The following ADAMTS19 variants were observed in gnomAD, a reference collection of about 807,000 sequenced individuals.
ADAMTS19 encodes the protein ADAM metallopeptidase with thrombospondin type 1 motif 19.
In ADAMTS19, 93 loss-of-function variants were observed where a neutral mutation model predicts 153.3. The ratio of observed to expected loss-of-function variants is 0.61; its 90% CI spans 0.51 to 0.72. The LOEUF is 0.72. ADAMTS19 is among the 30% of genes least tolerant of loss of function. The probability of loss-of-function intolerance (pLI) is 0.00; values close to 1 mark genes in which losing one functional copy is unlikely to be tolerated. For synonymous variants in ADAMTS19, 600 were observed against 556.6 expected, an observed-to-expected ratio of 1.08 and a Z score of -1.10; for missense variants, 1,482 against 1,552.1, an observed-to-expected ratio of 0.95 and a Z score of 0.76.
chr5:129,525,356 A>G (rs1256757400), intron 3 of ADAMTS19, among the ~76,000 whole-genome samples: 2 of 151,996 alleles, frequency 1.3e-5, no homozygotes, highest in Non-Finnish European at 2.9e-5. Flanking sequence ...AGGGATTTTA[A>G]TTTATTTAAT....
intron 15 of ADAMTS19, among the ~76,000 whole-genome samples, chr5:129,664,360 T>G (rs1753942651): frequency 6.6e-6 from 1 of 152,188 alleles, no homozygotes; most frequent in Non-Finnish European, 1.5e-5. Flanking sequence ...TGCATTTGTT[T>G]CCATTTTAAT....
chr5:129,571,477 G>T (rs1013261843), intron 7 of ADAMTS19, among the ~76,000 whole-genome samples: 1 of 151,338 alleles, frequency 6.6e-6, no homozygotes, highest in Non-Finnish European at 1.5e-5. Context: ...AACCAAACAG[G>T]TACAAAATCT....
intron 3 of ADAMTS19, among the ~76,000 whole-genome samples, chr5:129,518,985 T>A (rs1301430215): frequency 6.6e-6 from 1 of 152,174 alleles, no homozygotes; most frequent in Non-Finnish European, 1.5e-5. Context: ...AAGACTGTGA[T>A]TCACTCTTCA....
intron 13 of ADAMTS19, among the ~76,000 whole-genome samples, chr5:129,652,730 TGG>T (rs1753372008): frequency 6.6e-6 from 1 of 152,222 alleles, no homozygotes; most frequent in Non-Finnish European, 1.5e-5. Context: ...GGAATATGAA[TGG>T]AATTTTCTAG....
At chr5:129,579,049 T>C (rs6878433) in intron 7 of ADAMTS19, among the ~76,000 whole-genome samples, 129,914 of 152,152 alleles carry the variant, frequency 0.85, 55,634 homozygotes, top group Non-Finnish European at 0.89. Context: ...CTAGTTTACA[T>C]TCCCACCAAC....
At chr5:129,624,974 G>T (rs1411801011) in intron 10 of ADAMTS19, among the ~76,000 whole-genome samples, 1 of 151,834 alleles carries the variant, frequency 6.6e-6, no homozygotes. Context: ...TCCTAATGCT[G>T]TCCTTCCCCC....
At chr5:129,573,221 AC>A (rs1347567692) in intron 7 of ADAMTS19, among the ~76,000 whole-genome samples, 6 of 152,168 alleles carry the variant, frequency 3.9e-5, no homozygotes, top group Admixed American at 3.3e-4. Context: ...CTTGCTTAGG[AC>A]CAATATTTTT....
chr5:129,589,450 G>A (rs1217987088), intron 7 of ADAMTS19, among the ~76,000 whole-genome samples: 5 of 151,874 alleles, frequency 3.3e-5, no homozygotes, highest in African/African-American at 1.2e-4. Context: ...GGATATATAT[G>A]TATACACACA....
chr5:129,596,711 G>T, intron 8 of ADAMTS19, 47 bp downstream of exon 8: 1 of 1,360,886 alleles, frequency 7.3e-7, no homozygotes. Context: ...ATATAACTTT[G>T]TAATTCGAGT....
chr5:129,598,274 G>A (rs1404704110), intron 8 of ADAMTS19, among the ~76,000 whole-genome samples: 2 of 152,084 alleles, frequency 1.3e-5, no homozygotes, highest in African/African-American at 2.4e-5. Context: ...ATCTTTCTCA[G>A]TTCATCAGAG....
rs12110012 is a variant in ADAMTS19 at position 129,545,858 on chromosome 5, C to A, written c.1329-6006C>A. Among the ~76,000 whole-genome samples the A allele has an allele frequency of 4.2e-3, 635 of 150,464 alleles. 16 individuals are homozygous for A. The highest frequency in any genetic ancestry group is 0.025 in the East Asian group (130 of 5,158). On this transcript the variant is annotated intron_variant, in intron 6 of 22. Transcript: ENST00000274487. ...CCTCAGGGATCTAGAACTAGAAATACCATCTGACCCAGCCATCCCATTACT... is the reference window on the plus strand; with the variant it reads ...CCTCAGGGATCTAGAACTAGAAATAACATCTGACCCAGCCATCCCATTACT...
At chr5:129,547,045 C>T (rs554533025) in intron 6 of ADAMTS19, among the ~76,000 whole-genome samples, 2 of 150,996 alleles carry the variant, frequency 1.3e-5, no homozygotes, top group South Asian at 2.1e-4. Context: ...GATGTTTATG[C>T]TCTAATTTCC....
At position 129,622,286 on chromosome 5, in the gene ADAMTS19, A is replaced by C; in HGVS notation, c.1708A>C (p.Thr570Pro). ...CTCCAAGCTGCCAGGGATGACATAC[A>C]CTGCTGATGAACAATGCCAGATCCT... ...VPSKLPGMTY[T>P]ADEQCQILFG... is the part of the protein sequence containing the mutation. The change falls in exon 10 of 23, where the codon ACT (threonine) becomes CCT (proline). Residue 570 changes from threonine (T) to proline (P), a missense_variant. Coordinates refer to ENST00000274487, the MANE Select transcript of ADAMTS19 (RefSeq NM_133638.6). The C allele has an allele frequency of 6.2e-7, 1 of 1,614,112 alleles. No individual in the cohort carries two copies. Among genetic ancestry groups the C allele is most frequent in the Non-Finnish European group, 8.5e-7 (1 of 1,179,996 alleles).
intron 7 of ADAMTS19, among the ~76,000 whole-genome samples, chr5:129,594,172 T>C (rs1750267676): frequency 6.6e-6 from 1 of 152,090 alleles, no homozygotes; most frequent in African/African-American, 2.4e-5. Context: ...CAATGCAAAT[T>C]AGAAGAAATA....
At chr5:129,693,543 A>G (rs1461714281) in intron 18 of ADAMTS19, among the ~76,000 whole-genome samples, 1 of 152,214 alleles carries the variant, frequency 6.6e-6, no homozygotes, top group Non-Finnish European at 1.5e-5. Context: ...TTATAGTGTC[A>G]AACAATGGAT....
chr5:129,513,959 G>C (rs1286309458), intron 3 of ADAMTS19, among the ~76,000 whole-genome samples: 1 of 151,826 alleles, frequency 6.6e-6, no homozygotes, highest in Non-Finnish European at 1.5e-5. Flanking sequence ...CCTAGCCTCT[G>C]CTAACCATCC....
intron 16 of ADAMTS19, among the ~76,000 whole-genome samples, chr5:129,667,104 C>T (rs1384081572): frequency 6.6e-6 from 1 of 152,106 alleles, no homozygotes; most frequent in Admixed American, 6.6e-5. Context: ...AAATGCCCTC[C>T]ATGTTGACAA....
intron 11 of ADAMTS19, among the ~76,000 whole-genome samples, chr5:129,645,214 T>C (rs1236038885): frequency 6.6e-6 from 1 of 152,224 alleles, no homozygotes; most frequent in Non-Finnish European, 1.5e-5. Flanking sequence ...AGACAATTTT[T>C]TAGTGTTTTC....
rs77945368 is a variant in ADAMTS19, at chr5:129,665,554, G to C, written c.2481G>C (p.Glu827Asp). The C allele has an allele frequency of 6.2e-7, 1 of 1,610,596 alleles. No individual in the cohort carries two copies. Among genetic ancestry groups the C allele is most frequent in the South Asian group, 1.1e-5 (1 of 90,802 alleles). Residue 827 changes from glutamate (E) to aspartate (D), a missense_variant, in exon 16 of 23, where the codon GAG becomes GAC. This residue lies in a region of ADAMTS19 where 616 missense variants were observed against 724.4 expected (regional missense o/e 0.85). Coordinates refer to ENST00000274487, the MANE Select transcript of ADAMTS19 (RefSeq NM_133638.6). ...PAGARRIKVV[E>D]EKPAHSYLAL... ...GAGCAAGAAGAATCAAAGTTGTGGA[G>C]GAAAAGCCGGCACATAGCTATTTAG...
Sources: allele counts gnomAD v4.1 joint callset (sites outside exome capture counted in the v4.1 genomes callset), GRCh38; gene constraint gnomAD v4.1.1; regional missense constraint gnomAD v4.1.1; transcripts MANE v1.5; gene names NCBI Gene and HGNC (gene_info 2026-07-23, HGNC 2026-07-21).